The following ATP5MC3 variants were observed in gnomAD, a reference collection of about 807,000 sequenced individuals.
ATP5MC3 encodes the protein ATP synthase F(0) complex subunit C3, mitochondrial.
A neutral mutation model predicts 15.6 loss-of-function variants in ATP5MC3; 6 were observed. The ratio of observed to expected loss-of-function variants is 0.38; its 90% CI spans 0.21 to 0.76. The LOEUF is 0.76. ATP5MC3 is among the 30% of genes least tolerant of loss of function. The pLI, the probability that ATP5MC3 is intolerant of heterozygous loss-of-function variation, is 0.44. For synonymous variants in ATP5MC3, 66 were observed against 63.3 expected, an observed-to-expected ratio of 1.04 and a Z score of -0.20; for missense variants, 132 against 171.2, an observed-to-expected ratio of 0.77 and a Z score of 1.28.
chr2:175,180,726 T>C (rs984782470), intron 2 of ATP5MC3, among the ~76,000 whole-genome samples: 1 of 152,222 alleles, frequency 6.6e-6, no homozygotes, highest in African/African-American at 2.4e-5. Flanking sequence ...CCAACTTCTC[T>C]GCCCTTGAGT....
Position 175,181,690 on chromosome 2 carries a change from A to C in ATP5MC3, c.-108T>G, listed in dbSNP as rs376891490. 2 of 444,724 alleles carry C rather than the reference A, an allele frequency of 4.5e-6. No homozygotes were observed. The highest frequency in any genetic ancestry group is 8.0e-6 in the Non-Finnish European group (2 of 250,112). The allele number at this position is 444,724 out of a possible 1,614,324, so 27.5% of individuals were successfully genotyped here. ...AGGCGGCGGCGGCACGGGCTGCGGC[A>C]GAGGTCGAAGGAGTGGGACTCAATG... On this transcript the variant is annotated 5_prime_UTR_variant, in exon 1 of 5. Coordinates refer to ENST00000284727, the MANE Select transcript of ATP5MC3 (RefSeq NM_001689.5).
At chr2:175,181,203 G>T in intron 2 of ATP5MC3, 152 bp downstream of exon 2, 1 of 976,916 alleles carries the variant, frequency 1.0e-6, no homozygotes, top group Admixed American at 3.0e-5. Flanking sequence ...CCTAAGATTA[G>T]GAAGAAAACG....
chr2:175,178,175 G>C lies in ATP5MC3; in HGVS notation c.*113C>G. 6.8e-7 allele frequency: 1 copy of C among 1,460,210 alleles called. No individual in the cohort carries two copies. The highest frequency in any genetic ancestry group is 9.0e-7 in the Non-Finnish European group (1 of 1,106,220). 90.5% of individuals were successfully genotyped at this position (1,460,210 alleles called of 1,614,324 possible). A position where few individuals can be genotyped will look rare whatever the true frequency, so the allele number is the denominator to read the frequency against. On this transcript the variant is annotated 3_prime_UTR_variant, in exon 5 of 5. Coordinates refer to ENST00000284727, the MANE Select transcript of ATP5MC3 (RefSeq NM_001689.5). ...TTTTCATCTTTAATGAAATGACTTT[G>C]GAAATAACGTACATTCCCATGACAC...
Position 175,179,199 on chromosome 2 carries a change from T to C in ATP5MC3, c.172A>G (p.Arg58Gly). The change falls in exon 4 of 5, where the codon AGG becomes GGG. Residue 58 changes from arginine (R) to glycine (G), a missense_variant. Around this residue, in one of 2 missense-constraint regions of ATP5MC3, gnomAD observed 90 missense variants for 86.2 expected, o/e 1.04. Transcript: ENST00000284727. ...AQNGVSQLIQ[R>G]EFQTSAISRD... ...CTGATTGCACTGGTCTGAAACTCCC[T>C]TTGGATTAGCTGAGACACACCATTC... 6.2e-7 allele frequency: 1 copy of C among 1,614,214 alleles called. No homozygotes were observed. The highest frequency in any genetic ancestry group is 8.5e-7 in the Non-Finnish European group (1 of 1,180,038).
At chr2:175,180,047 C>G (rs990042446) in intron 3 of ATP5MC3, 51 bp downstream of exon 3, 21 of 1,428,918 alleles carry the variant, frequency 1.5e-5, no homozygotes, top group Non-Finnish European at 1.6e-5. Context: ...CTAATCAAAA[C>G]CCTACCCTTA....
rs368357116 is a variant in ATP5MC3 at position 175,181,410 on chromosome 2, C to A, written c.-17G>T. On this transcript the variant is annotated 5_prime_UTR_variant, in exon 2 of 5. Coordinates refer to ENST00000284727, the MANE Select transcript of ATP5MC3 (RefSeq NM_001689.5). The stretch of plus-strand genomic sequence containing the variant: ...GGCGAACATCTTACACTCTTCGGGA[C>A]TGCGCGGCTGGAGATATTGGGTGAC... 3 of 1,613,322 alleles carry A rather than the reference C, an allele frequency of 1.9e-6. No individual in the cohort carries two copies. In the African/African-American group the frequency reaches 4.0e-5, roughly 22 times the overall value.
intron 3 of ATP5MC3, chr2:175,179,825 T>A (rs2105415749): frequency 2.6e-6 from 1 of 383,998 alleles, no homozygotes; most frequent in Middle Eastern, 7.0e-4. Flanking sequence ...CATTTTTCAA[T>A]AACTGTAGCT....
In ATP5MC3 at chr2:175,177,780, G is replaced by A. The variant is rs1352208906; in HGVS notation, c.*508C>T. ...AGGCTTCATTTCCTAAAAAGCTGAC[G>A]TGATTTATTTTTAGAACCACCTGTC... is the stretch of plus-strand genomic sequence containing the variant. On this transcript the variant is annotated 3_prime_UTR_variant, in exon 5 of 5. Transcript: ENST00000284727. 6.6e-6 allele frequency: 1 copy of A among 152,124 alleles called. No homozygotes were observed. Among genetic ancestry groups the A allele is most frequent in the African/African-American group, 2.4e-5 (1 of 41,418 alleles). The allele number at this position is 152,124 out of a possible 1,614,324, so 9.4% of individuals were successfully genotyped here.
At chr2:175,181,568 G>A in intron 1 of ATP5MC3, 88 bp downstream of exon 1, 1 of 715,952 alleles carries the variant, frequency 1.4e-6, no homozygotes, top group African/African-American at 1.8e-5. Context: ...TGGGCCCCGT[G>A]CCCAGTGAGG....
chr2:175,181,305 G>A (rs368052450), intron 2 of ATP5MC3, 50 bp downstream of exon 2: 17 of 1,598,106 alleles, frequency 1.1e-5, no homozygotes, highest in South Asian at 6.8e-5. Flanking sequence ...GGACGCTCTA[G>A]GCCAAAACGC....
intron 3 of ATP5MC3, chr2:175,179,671 A>C: frequency 4.8e-6 from 1 of 206,404 alleles, no homozygotes; most frequent in South Asian, 8.5e-5. Flanking sequence ...GGCTGGGCTA[A>C]TTTTTAAATG....
chr2:175,178,622 A>C (rs533225387), intron 4 of ATP5MC3: 1 of 1,273,822 alleles, frequency 7.9e-7, no homozygotes, highest in South Asian at 2.4e-5. Flanking sequence ...GTTTTCATTC[A>C]TTTTGATGGG....
rs2217675 is a variant in ATP5MC3 at position 175,181,680 on chromosome 2, G to T, written c.-98C>A. 6.3e-6 allele frequency: 3 copies of T among 477,752 alleles called. No homozygotes were observed. The highest frequency in any genetic ancestry group is 1.1e-5 in the Non-Finnish European group (3 of 270,466). 29.6% of individuals were successfully genotyped at this position (477,752 alleles called of 1,614,324 possible). ...CCTTCCCAGGAGGCGGCGGCGGCAC[G>T]GGCTGCGGCAGAGGTCGAAGGAGTG... On this transcript the variant is annotated 5_prime_UTR_variant, in exon 1 of 5. Transcript: ENST00000284727.
Position 175,179,242 on chromosome 2 carries a change from C to G in ATP5MC3, c.129G>C (p.Thr43=), listed in dbSNP as rs139451281. The change falls in exon 4 of 5, where the codon ACG becomes ACC. Residue 43 remains threonine (T), a synonymous_variant. Transcript: ENST00000284727. ...PEASRTGEGS[T]VFNGAQNGVS... ...CACCATTCTGGGCCCCATTAAATACCGTAGAGCCCTGGAAAACAGAAAATA... is the reference window on the plus strand; with the variant it reads ...CACCATTCTGGGCCCCATTAAATACGGTAGAGCCCTGGAAAACAGAAAATA... 1.2e-4 allele frequency: 191 copies of G among 1,607,486 alleles called. 1 individual carries two copies. Among genetic ancestry groups the G allele is most frequent in the Admixed American group, 1.5e-4 (9 of 59,762 alleles).
chr2:175,179,106 C>G lies in ATP5MC3; in HGVS notation c.265G>C (p.Gly89Arg), dbSNP rs747468360. Reference sequence around the variant, plus strand: ...CCAAAGACTGTTCCAATACCAGCACCAGAACCAGCCACTCCTACTGTTGCA... The same window carrying G: ...CCAAAGACTGTTCCAATACCAGCACGAGAACCAGCCACTCCTACTGTTGCA... Reference protein sequence around the residue: ...GAATVGVAGSGAGIGTVFGSL... With the variant: ...GAATVGVAGSRAGIGTVFGSL... The change falls in exon 4 of 5, where the codon GGT becomes CGT. Residue 89 changes from glycine (G) to arginine (R), a missense_variant. Transcript: ENST00000284727. 1 of 1,614,148 alleles carries G rather than the reference C, an allele frequency of 6.2e-7. No individual in the cohort carries two copies. Among genetic ancestry groups the G allele is most frequent in the Non-Finnish European group, 8.5e-7 (1 of 1,180,016 alleles).
Position 175,177,373 on chromosome 2 carries a change from G to C in ATP5MC3, c.*915C>G, listed in dbSNP as rs545317291. 1 of 152,242 alleles carries C rather than the reference G, an allele frequency of 6.6e-6. No individual in the cohort carries two copies. Among genetic ancestry groups the C allele is most frequent in the South Asian group, 2.1e-4 (1 of 4,822 alleles). The allele number at this position is 152,242 out of a possible 1,614,324, so 9.4% of individuals were successfully genotyped here. On this transcript the variant is annotated 3_prime_UTR_variant, in exon 5 of 5. Coordinates refer to ENST00000284727, the MANE Select transcript of ATP5MC3 (RefSeq NM_001689.5). ...AAAAAACCCTGAAACTTGGATGATA[G>C]ATATTATGGTACAATATATTTGCTA...
intron 4 of ATP5MC3, chr2:175,178,812 G>C: frequency 1.8e-6 from 2 of 1,121,828 alleles, no homozygotes; most frequent in Non-Finnish European, 2.3e-6. Context: ...TTCATTTTCT[G>C]ACATTTACTA....
In ATP5MC3 at chr2:175,180,127, A is replaced by G. The variant is rs944802570; in HGVS notation, c.91T>C (p.Ser31Pro). Residue 31 changes from serine (S) to proline (P), a missense_variant, in exon 3 of 5, where the codon TCT (serine) becomes CCT (proline). Coordinates refer to ENST00000284727, the MANE Select transcript of ATP5MC3 (RefSeq NM_001689.5). ...CCAGTCCTACTAGCCTCTGGTCGAG[A>G]TAACACTGATGCAGAAATTGGTCTG... is the stretch of plus-strand genomic sequence containing the variant. ...AYRPISASVL[S>P]RPEASRTGEG... The G allele has an allele frequency of 6.2e-6, 10 of 1,601,790 alleles. No homozygotes were observed. The African/African-American group carries it at 6.8e-5, about 11-fold the overall frequency.
chr2:175,179,802 G>A (rs1700742494), intron 3 of ATP5MC3: 2 of 335,158 alleles, frequency 6.0e-6, no homozygotes, highest in Non-Finnish European at 1.1e-5. Flanking sequence ...ACCGCATCCA[G>A]TCCAATAGAG....
Sources: allele counts gnomAD v4.1 joint callset (sites outside exome capture counted in the v4.1 genomes callset), GRCh38; gene constraint gnomAD v4.1.1; regional missense constraint gnomAD v4.1.1; transcripts MANE v1.5; gene names NCBI Gene and HGNC (gene_info 2026-07-23, HGNC 2026-07-21).